MBP: variants seen among roughly 807,000 people sequenced by gnomAD.
MBP encodes Golli-MBP.
Under a neutral mutation model 35.8 loss-of-function variants are expected in MBP, and 16 were observed. The observed-to-expected ratio is 0.45, with a 90% CI of 0.30 to 0.68. The LOEUF is 0.68. Ranked by LOEUF, MBP falls within the 30% of genes least tolerant of loss-of-function variation. MBP has a pLI of 0.08. For missense variants in MBP, 380 were observed against 404.7 expected (o/e 0.94, Z 0.52); for synonymous variants, 143 against 159.6 (o/e 0.90, Z 0.78).
At chr18:77,079,422 T>C (rs1160550449) in intron 2 of MBP, among the ~76,000 whole-genome samples, 1 of 152,126 alleles carries the variant, frequency 6.6e-6, no homozygotes, top group Non-Finnish European at 1.5e-5. Context: ...AGTCAGTTTC[T>C]CACCAGGACA....
intron 3 of MBP, among the ~76,000 whole-genome samples, chr18:77,064,307 G>A (rs773312501): frequency 6.6e-6 from 1 of 152,144 alleles, no homozygotes. Context: ...AGTCATGGAC[G>A]CGGCTGCCTT....
intron 2 of MBP, chr18:77,067,847 C>A: frequency 1.9e-6 from 1 of 513,074 alleles, no homozygotes; most frequent in Non-Finnish European, 3.9e-6. Context: ...GAGGGGCAGG[C>A]ACAGCCATTA....
chr18:77,115,388 A>G (rs1976627387), intron 1 of MBP: 1 of 152,256 alleles, frequency 6.6e-6, no homozygotes, highest in Non-Finnish European at 1.5e-5. Flanking sequence ...ATGCGTACAC[A>G]TAAGAGCTGT....
At chr18:77,007,181 C>T (rs1186954674) in intron 4 of MBP, among the ~76,000 whole-genome samples, 2 of 152,332 alleles carry the variant, frequency 1.3e-5, no homozygotes, top group South Asian at 2.1e-4. Context: ...TTAGTGCCTC[C>T]GGCCTTGCAA....
chr18:77,048,221 CT>C (rs1359655004), intron 3 of MBP, among the ~76,000 whole-genome samples: 1 of 152,220 alleles, frequency 6.6e-6, no homozygotes, highest in Admixed American at 6.5e-5. Context: ...ATTTCCTCAT[CT>C]TTACCCGAAA....
At chr18:77,125,858 A>G (rs1321969619) in intron 1 of MBP, among the ~76,000 whole-genome samples, 1 of 148,750 alleles carries the variant, frequency 6.7e-6, no homozygotes, top group East Asian at 2.0e-4. Flanking sequence ...AAAGTCTCAA[A>G]TCAATAATCT....
intron 3 of MBP, among the ~76,000 whole-genome samples, chr18:77,043,123 T>C (rs569658786): frequency 2.6e-5 from 4 of 152,340 alleles, no homozygotes; most frequent in Admixed American, 6.5e-5. Flanking sequence ...TTATATTTTA[T>C]AGGGCCTATC....
chr18:77,104,897 C>T (rs988261937), intron 2 of MBP, among the ~76,000 whole-genome samples: 1 of 152,140 alleles, frequency 6.6e-6, no homozygotes, highest in Non-Finnish European at 1.5e-5. Context: ...TCTCTTTCTT[C>T]TTCTCCGTGT....
chr18:77,119,148 G>A (rs1193414769), intron 1 of MBP, among the ~76,000 whole-genome samples: 38 of 152,040 alleles, frequency 2.5e-4, no homozygotes, highest in Non-Finnish European at 4.4e-5. Context: ...CTGTGTAGTG[G>A]AGGTGTCACT....
At chr18:77,060,962 G>A (rs539695108) in intron 3 of MBP, among the ~76,000 whole-genome samples, 17 of 152,330 alleles carry the variant, frequency 1.1e-4, no homozygotes, top group Non-Finnish European at 1.5e-4. Flanking sequence ...ACACAGGCAC[G>A]CAGTGCCTCA....
Position 77,036,237 on chromosome 18 carries a change from A to T in MBP, c.140-18969T>A, listed in dbSNP as rs55642366. Reference sequence around the variant, plus strand: ...CAAGTGCTGGTCACATTTTGGAGACAGAGCTGAGCAAGTGCTGGTCACATT... The same window carrying T: ...CAAGTGCTGGTCACATTTTGGAGACTGAGCTGAGCAAGTGCTGGTCACATT... On this transcript the variant is annotated intron_variant, in intron 3 of 8. Transcript: ENST00000355994. Among the ~76,000 whole-genome samples, 175 of 71,154 alleles carry T rather than the reference A, an allele frequency of 2.5e-3. 3 individuals carry two copies. The highest frequency in any genetic ancestry group is 4.3e-3 in the South Asian group (6 of 1,388). The allele number at this position is 71,154 out of a possible 152,430, so 46.7% of individuals were successfully genotyped here.
intron 7 of MBP, chr18:76,986,213 A>C (rs566546166): frequency 1.0e-6 from 1 of 985,442 alleles, no homozygotes; most frequent in South Asian, 4.7e-5. Context: ...TCCAGACTGC[A>C]CTTTACATTT....
chr18:77,056,795 A>G (rs1973742835), intron 3 of MBP, among the ~76,000 whole-genome samples: 1 of 152,188 alleles, frequency 6.6e-6, no homozygotes, highest in Non-Finnish European at 1.5e-5. Context: ...AGCTGAGCAC[A>G]CAACCCCCCT....
At chr18:77,070,876 T>A (rs1974413321) in intron 2 of MBP, among the ~76,000 whole-genome samples, 1 of 152,182 alleles carries the variant, frequency 6.6e-6, no homozygotes, top group Non-Finnish European at 1.5e-5. Context: ...GCGGGCGGAA[T>A]CCTGGTTGGT....
intron 2 of MBP, among the ~76,000 whole-genome samples, chr18:77,071,374 C>T (rs1974441154): frequency 6.6e-6 from 1 of 151,992 alleles, no homozygotes; most frequent in African/African-American, 2.4e-5. Context: ...TGCTGCATTT[C>T]CCTTAAAAAA....
intron 3 of MBP, among the ~76,000 whole-genome samples, chr18:77,047,121 G>A (rs1973289934): frequency 6.6e-6 from 1 of 152,186 alleles, no homozygotes; most frequent in Non-Finnish European, 1.5e-5. Context: ...CAAAACAAAG[G>A]CGACCACGGC....
At chr18:77,012,946 A>T (rs1307304780) in intron 4 of MBP, 4 of 985,336 alleles carry the variant, frequency 4.1e-6, no homozygotes, top group Non-Finnish European at 4.8e-6. Context: ...TATACAGAGG[A>T]AGTTGCAAAA....
intron 2 of MBP, among the ~76,000 whole-genome samples, chr18:77,084,431 C>CACACA (rs60600826): frequency 0.026 from 2,701 of 105,860 alleles, 151 homozygotes; most frequent in East Asian, 0.083. Flanking sequence ...CCACACCACA[C>CACACA]CACACACACA....
intron 1 of MBP, chr18:77,108,608 C>T (rs937986131): frequency 1.3e-5 from 2 of 152,170 alleles, no homozygotes; most frequent in Non-Finnish European, 2.9e-5. Flanking sequence ...AGTGTTACCT[C>T]GAGGGTTAAC....
Sources: allele counts gnomAD v4.1 joint callset (sites outside exome capture counted in the v4.1 genomes callset), GRCh38; gene constraint gnomAD v4.1.1; transcripts MANE v1.5; gene names NCBI Gene and HGNC (gene_info 2026-07-23, HGNC 2026-07-21).